RASGEF1A: variants seen among roughly 807,000 people sequenced by gnomAD.
RASGEF1A encodes RasGEF domain family member 1A.
Under a neutral mutation model 56.4 loss-of-function variants are expected in RASGEF1A, and 18 were observed. The ratio of observed to expected loss-of-function variants is 0.32; its 90% CI spans 0.22 to 0.47. RASGEF1A has a LOEUF of 0.47. RASGEF1A is among the 20% of genes least tolerant of loss of function. RASGEF1A has a pLI of 1.00. For missense variants in RASGEF1A, 422 were observed against 627.1 expected (o/e 0.67, Z 3.49); for synonymous variants, 245 against 242.6 (o/e 1.01, Z -0.09).
chr10:43,200,143 CAG>C, intron 6 of RASGEF1A, 37 bp downstream of exon 6: 2 of 1,526,222 alleles, frequency 1.3e-6, no homozygotes, highest in Non-Finnish European at 1.8e-6. Flanking sequence ...GCTGGGCAGA[CAG>C]GGCTGGCAGG....
At chr10:43,217,548 C>T (rs1416662626) in intron 1 of RASGEF1A, among the ~76,000 whole-genome samples, 1 of 152,262 alleles carries the variant, frequency 6.6e-6, no homozygotes, top group Non-Finnish European at 1.5e-5. Context: ...TGGAAGAAGG[C>T]CGGGTGACCG....
At chr10:43,266,712 C>T (rs968762755) in intron 1 of RASGEF1A, 133 bp downstream of exon 1, 2 of 146,354 alleles carry the variant, frequency 1.4e-5, no homozygotes, top group African/African-American at 4.9e-5. Flanking sequence ...CGCGCCCCGG[C>T]CCCACGACGG....
In RASGEF1A at chr10:43,266,982, C is replaced by T. The variant is rs909735169; in HGVS notation, c.-144G>A. 1.4e-5 allele frequency: 2 copies of T among 147,012 alleles called. No individual in the cohort carries two copies. Among genetic ancestry groups the T allele is most frequent in the Admixed American group, 1.4e-4 (2 of 14,796 alleles). The allele number at this position is 147,012 out of a possible 1,614,324, so 9.1% of individuals were successfully genotyped here. ...CCGCCCACCCGCGGCCGCCCCCGCGCTGCGCCAGCTGCGGGCAGAGCAGCT... is the reference window on the plus strand; with the variant it reads ...CCGCCCACCCGCGGCCGCCCCCGCGTTGCGCCAGCTGCGGGCAGAGCAGCT... On this transcript the variant is annotated 5_prime_UTR_variant, in exon 1 of 13. Transcript: ENST00000395810.
At chr10:43,201,753 G>A in intron 4 of RASGEF1A, 55 bp downstream of exon 4, 1 of 1,466,748 alleles carries the variant, frequency 6.8e-7, no homozygotes, top group Non-Finnish European at 9.2e-7. Flanking sequence ...ACCCTCCCGA[G>A]GGCAGACCCT....
intron 1 of RASGEF1A, among the ~76,000 whole-genome samples, chr10:43,263,973 C>T (rs913422974): frequency 6.6e-6 from 1 of 152,130 alleles, no homozygotes; most frequent in African/African-American, 2.4e-5. Flanking sequence ...GGTCACCCCT[C>T]ACAGCCCTCT....
At chr10:43,219,657 G>A (rs375026830) in intron 1 of RASGEF1A, among the ~76,000 whole-genome samples, 46 of 152,334 alleles carry the variant, frequency 3.0e-4, no homozygotes, top group African/African-American at 1.1e-3. Context: ...GACAGTGAGC[G>A]GGCAGGGTCA....
chr10:43,200,556 G>C (rs142878700), intron 5 of RASGEF1A, 111 bp downstream of exon 5: 1 of 978,568 alleles, frequency 1.0e-6, no homozygotes, highest in East Asian at 2.6e-5. Flanking sequence ...GCTGGCAAGC[G>C]CACTTCCCTG....
chr10:43,228,852 G>C (rs1388723671), intron 1 of RASGEF1A, among the ~76,000 whole-genome samples: 4 of 152,238 alleles, frequency 2.6e-5, no homozygotes, highest in African/African-American at 9.6e-5. Flanking sequence ...ACACAGCAGG[G>C]GCCCGATAAA....
At chr10:43,198,261 C>T in intron 9 of RASGEF1A, 66 bp from the exon 10 acceptor site, 1 of 1,394,160 alleles carries the variant, frequency 7.2e-7, no homozygotes, top group Non-Finnish European at 9.8e-7. Context: ...CTCCAGATGC[C>T]CCTCTGCAGA....
In RASGEF1A at chr10:43,206,252, A is replaced by G. The variant is rs573462295; in HGVS notation, c.-6-130T>C. ...GTGGCAGGGGCGCAGCGGCACTGGC[A>G]GAGGGCACCCCCATTCCAGGGCAGG... is the stretch of plus-strand genomic sequence containing the variant. On this transcript the variant is annotated intron_variant, in intron 1 of 12. Coordinates refer to ENST00000395810, the MANE Select transcript of RASGEF1A (RefSeq NM_145313.4). The G allele has an allele frequency of 5.1e-5, 39 of 764,778 alleles. No individual in the cohort carries two copies. The African/African-American group carries it at 6.5e-4, about 13-fold the overall frequency. 47.4% of individuals were successfully genotyped at this position (764,778 alleles called of 1,614,324 possible). A position where few individuals can be genotyped will look rare whatever the true frequency, so the allele number is the denominator to read the frequency against.
At chr10:43,241,139 G>A (rs1369419107) in intron 1 of RASGEF1A, among the ~76,000 whole-genome samples, 1 of 152,038 alleles carries the variant, frequency 6.6e-6, no homozygotes, top group African/African-American at 2.4e-5. Context: ...AAAATAAAGA[G>A]GACCATTAAA....
At chr10:43,208,989 G>A (rs1027034804) in intron 1 of RASGEF1A, 240 of 985,460 alleles carry the variant, frequency 2.4e-4, no homozygotes, top group Admixed American at 1.2e-3. Context: ...GTCCCCTGCC[G>A]GCCACCCCCA....
intron 1 of RASGEF1A, among the ~76,000 whole-genome samples, chr10:43,234,889 A>G (rs1402549806): frequency 6.6e-6 from 1 of 152,142 alleles, no homozygotes; most frequent in African/African-American, 2.4e-5. Context: ...TGCCAGACTC[A>G]AGCCTCCTGC....
intron 3 of RASGEF1A, 137 bp from the exon 4 acceptor site, chr10:43,202,082 T>C: frequency 1.1e-6 from 1 of 950,164 alleles, no homozygotes; most frequent in Non-Finnish European, 1.5e-6. Context: ...GCGTGCCACC[T>C]GCGGTTTGGC....
chr10:43,213,158 T>C (rs1482538321), intron 1 of RASGEF1A, among the ~76,000 whole-genome samples: 9 of 152,200 alleles, frequency 5.9e-5, no homozygotes, highest in Admixed American at 5.2e-4. Context: ...AAATAACTTC[T>C]AATGTTCCAT....
intron 1 of RASGEF1A, among the ~76,000 whole-genome samples, chr10:43,236,758 A>C (rs1840436100): frequency 6.6e-6 from 1 of 152,236 alleles, no homozygotes; most frequent in Admixed American, 6.5e-5. Flanking sequence ...CTGGAGCAGC[A>C]GTGGCCCACT....
At chr10:43,265,276 AAAAC>A (rs1836603489) in intron 1 of RASGEF1A, among the ~76,000 whole-genome samples, 1 of 152,384 alleles carries the variant, frequency 6.6e-6, no homozygotes, top group South Asian at 2.1e-4. Context: ...CTCCCAGAGA[AAAAC>A]AAACTCACTG....
rs374276407 is a variant in RASGEF1A, at chr10:43,220,801, G to T, written c.-6-14679C>A. Among the ~76,000 whole-genome samples, 1,338 of 151,918 alleles carry T rather than the reference G, an allele frequency of 8.8e-3. 13 individuals are homozygous for T. The highest frequency in any genetic ancestry group is 0.013 in the Admixed American group (203 of 15,258). ...CTCTGTCTTAAAAAAAAAAAAGGGG[G>T]GGGAGTACTTATGACAAGTAACTCA... is the stretch of plus-strand genomic sequence containing the variant. On this transcript the variant is annotated intron_variant, in intron 1 of 12. Transcript: ENST00000395810.
intron 1 of RASGEF1A, among the ~76,000 whole-genome samples, chr10:43,216,036 C>T (rs1271553534): frequency 6.6e-6 from 1 of 152,214 alleles, no homozygotes; most frequent in African/African-American, 2.4e-5. Flanking sequence ...CTCCCTGGGG[C>T]ACCTCCTGGC....
Sources: allele counts gnomAD v4.1 joint callset (sites outside exome capture counted in the v4.1 genomes callset), GRCh38; gene constraint gnomAD v4.1.1; transcripts MANE v1.5; gene names NCBI Gene and HGNC (gene_info 2026-07-23, HGNC 2026-07-21).